MYBPHL: variants seen among roughly 807,000 people sequenced by gnomAD.
MYBPHL encodes the protein myosin binding protein H like.
Under a neutral mutation model 39.5 loss-of-function variants are expected in MYBPHL, and 32 were observed. That is an observed-to-expected ratio of 0.81 (90% CI 0.61 to 1.09). MYBPHL has a LOEUF of 1.09. Among genes scored for constraint, MYBPHL ranks in the 50% least tolerant of loss-of-function variants. The pLI is 0.00. For missense variants in MYBPHL, 456 were observed against 460.2 expected (o/e 0.99, Z 0.08); for synonymous variants, 196 against 183.7 (o/e 1.07, Z -0.54).
In MYBPHL at chr1:109,296,884, A is replaced by T. The variant is rs2101473005; in HGVS notation, c.629T>A (p.Ile210Asn). 1.2e-6 allele frequency: 2 copies of T among 1,614,116 alleles called. No individual in the cohort carries two copies. Among genetic ancestry groups the T allele is most frequent in the African/African-American group, 2.7e-5 (2 of 75,016 alleles). ...HRTSCIVSDL[I>N]IGNSYAFRVF... ...ACGGAAGGCATAGGAGTTGCCGATG[A>T]TGAGGTCAGAGACGATGCAGCTGGT... The change falls in exon 5 of 9, where the codon ATC becomes AAC. Residue 210 changes from isoleucine (I) to asparagine (N), a missense_variant. Transcript: ENST00000357155.
chr1:109,292,749 A>G (rs1046506451), intron 8 of MYBPHL, 161 bp from the exon 9 acceptor site: 3 of 152,256 alleles, frequency 2.0e-5, no homozygotes, highest in Non-Finnish European at 2.9e-5. Context: ...CATTTGCTAC[A>G]TACCAGTGAG....
intron 6 of MYBPHL, 22 bp downstream of exon 6, chr1:109,296,212 G>T (rs369494735): frequency 1.9e-6 from 3 of 1,610,872 alleles, no homozygotes; most frequent in Non-Finnish European, 2.5e-6. Flanking sequence ...TCAGCACAGT[G>T]CCCCCCAGAG....
At chr1:109,299,838 G>T (rs1343856774) in intron 1 of MYBPHL, among the ~76,000 whole-genome samples, 1 of 152,226 alleles carries the variant, frequency 6.6e-6, no homozygotes, top group Non-Finnish European at 1.5e-5. Context: ...CCTCGGCTGG[G>T]CTCTGGTGGC....
At chr1:109,295,035 T>C in intron 7 of MYBPHL, 76 bp downstream of exon 7, 1 of 1,502,540 alleles carries the variant, frequency 6.7e-7, no homozygotes, top group Non-Finnish European at 9.1e-7. Flanking sequence ...CTTGCGTCTC[T>C]GTTCCCTGAC....
rs368090769 is a variant in MYBPHL at position 109,296,837 on chromosome 1, C to G, written c.676G>C (p.Gly226Arg). 6.2e-7 allele frequency: 1 copy of G among 1,614,118 alleles called. No individual in the cohort carries two copies. The highest frequency in any genetic ancestry group is 1.7e-5 in the Admixed American group (1 of 60,012). The stretch of plus-strand genomic sequence containing the variant: ...GTGATGGGGGCTGTTTCACTGAGTC[C>G]GCACTGGTTTTCAGCAAAGACACGG... The part of the protein sequence containing the change: ...AFRVFAENQC[G>R]LSETAPITTD... Residue 226 changes from glycine (G) to arginine (R), a missense_variant, in exon 5 of 9, where the codon GGA (glycine) becomes CGA (arginine). Physicochemically the swap from Gly to Arg is moderately radical, Grantham distance 125. Transcript: ENST00000357155.
rs1658069021 is a variant in MYBPHL, at chr1:109,296,478, G to A, written c.731-108C>T. The A allele has an allele frequency of 3.4e-5, 47 of 1,381,958 alleles. 1 individual carries two copies. In the South Asian group the frequency reaches 5.7e-4, roughly 17 times the overall value. The allele number at this position is 1,381,958 out of a possible 1,614,324, so 85.6% of individuals were successfully genotyped here. On this transcript the variant is annotated intron_variant, in intron 5 of 8. Coordinates refer to ENST00000357155, the MANE Select transcript of MYBPHL (RefSeq NM_001010985.3). The stretch of plus-strand genomic sequence containing the variant: ...TTTTGAGGTGGAGTCTCACTCTATT[G>A]CCCAGGCTGGAGTGCAGTGGCACGA...
intron 1 of MYBPHL, among the ~76,000 whole-genome samples, chr1:109,306,382 G>A (rs1168925590): frequency 1.3e-5 from 2 of 152,142 alleles, no homozygotes; most frequent in African/African-American, 2.4e-5. Flanking sequence ...CTGACCCCGT[G>A]GTACTGCCCA....
intron 1 of MYBPHL, among the ~76,000 whole-genome samples, chr1:109,303,785 C>T (rs964164556): frequency 9.2e-5 from 14 of 152,126 alleles, no homozygotes; most frequent in African/African-American, 3.4e-4. Flanking sequence ...CTGGCTGTCT[C>T]GTAGACAAAC....
Position 109,295,363 on chromosome 1 carries a change from C to T in MYBPHL, c.868-66G>A, listed in dbSNP as rs541890638. The T allele has an allele frequency of 5.5e-6, 8 of 1,457,640 alleles. No individual in the cohort carries two copies. In the East Asian group the frequency reaches 1.9e-4, roughly 35 times the overall value. The allele number at this position is 1,457,640 out of a possible 1,614,324, so 90.3% of individuals were successfully genotyped here. On this transcript the variant is annotated intron_variant, in intron 6 of 8. Coordinates refer to ENST00000357155, the MANE Select transcript of MYBPHL (RefSeq NM_001010985.3). ...GGTAAGAACCAATAGTCTTTCTGTG[C>T]TCAGTTTCTGGGACTCTGTCTATAT...
intron 1 of MYBPHL, among the ~76,000 whole-genome samples, chr1:109,303,796 CAA>C (rs1658371977): frequency 6.6e-6 from 1 of 152,134 alleles, no homozygotes; most frequent in South Asian, 2.1e-4. Context: ...GTAGACAAAC[CAA>C]AGTCTTCACA....
rs1658153273 is a variant in MYBPHL, at chr1:109,298,178, G to A, written c.225C>T (p.Ile75=). The change falls in exon 2 of 9, where the codon ATC becomes ATT. Residue 75 remains isoleucine, a synonymous_variant. Coordinates refer to ENST00000357155, the MANE Select transcript of MYBPHL (RefSeq NM_001010985.3). The part of the protein sequence containing the change: ...RKVGDTVNLL[I]PFQGKPKPQA... ...GGGCTGGCATGATCACCTGGAATGG[G>A]ATTAGTAGGTTCACTGTGTCCCCAA... 2 of 1,609,186 alleles carry A rather than the reference G, an allele frequency of 1.2e-6. No individual in the cohort carries two copies. The highest frequency in any genetic ancestry group is 1.7e-6 in the Non-Finnish European group (2 of 1,178,002).
In MYBPHL at chr1:109,298,175, T is replaced by G; in HGVS notation, c.228A>C (p.Pro76=). The G allele has an allele frequency of 6.2e-7, 1 of 1,606,028 alleles. No homozygotes were observed. The highest frequency in any genetic ancestry group is 8.5e-7 in the Non-Finnish European group (1 of 1,176,878). Residue 76 remains proline, a synonymous_variant, in exon 2 of 9, where the codon CCA becomes CCC. Coordinates refer to ENST00000357155, the MANE Select transcript of MYBPHL (RefSeq NM_001010985.3). ...ATGGGGCTGGCATGATCACCTGGAA[T>G]GGGATTAGTAGGTTCACTGTGTCCC... ...KVGDTVNLLI[P]FQGKPKPQAI... is the part of the protein sequence containing the mutation.
In MYBPHL at chr1:109,298,232, C is replaced by G. The variant is rs756027054; in HGVS notation, c.171G>C (p.Arg57=). 3.7e-6 allele frequency: 6 copies of G among 1,609,816 alleles called. No homozygotes were observed. The highest frequency in any genetic ancestry group is 5.1e-6 in the Non-Finnish European group (6 of 1,178,196). The change falls in exon 2 of 9, where the codon CGG becomes CGC. Residue 57 remains arginine, a synonymous_variant. Coordinates refer to ENST00000357155, the MANE Select transcript of MYBPHL (RefSeq NM_001010985.3). ...IEEHPKIWLP[R]ALRQTYIRKV... is the part of the protein sequence containing the mutation. ...TCCGGATGTAGGTCTGCCTCAGGGC[C>G]CGAGGTAGCCAGATCTTGGGGTGCT...
chr1:109,301,866 T>G (rs375618630), intron 1 of MYBPHL, among the ~76,000 whole-genome samples: 1 of 152,228 alleles, frequency 6.6e-6, no homozygotes, highest in Non-Finnish European at 1.5e-5. Flanking sequence ...GTTTTACTAT[T>G]CTATAATTGT....
In MYBPHL at chr1:109,297,030, T is replaced by G; in HGVS notation, c.570+20A>C. The G allele has an allele frequency of 6.2e-7, 1 of 1,614,064 alleles. No individual in the cohort carries two copies. Among genetic ancestry groups the G allele is most frequent in the East Asian group, 2.2e-5 (1 of 44,882 alleles). Reference sequence around the variant, plus strand: ...CCAACATGCCCTCTTCCACCCTCCTTCCTTCCCAGCTGGCCTCACCCCGGA... The same window carrying G: ...CCAACATGCCCTCTTCCACCCTCCTGCCTTCCCAGCTGGCCTCACCCCGGA... On this transcript the variant is annotated intron_variant, in intron 4 of 8. Coordinates refer to ENST00000357155, the MANE Select transcript of MYBPHL (RefSeq NM_001010985.3).
chr1:109,304,780 T>A (rs1245209169), intron 1 of MYBPHL, among the ~76,000 whole-genome samples: 1 of 152,226 alleles, frequency 6.6e-6, no homozygotes, highest in Non-Finnish European at 1.5e-5. Context: ...GACATAGAAC[T>A]GTTTACCAAT....
Position 109,296,883 on chromosome 1 carries a change from G to T in MYBPHL, c.630C>A (p.Ile210=). Residue 210 remains isoleucine (I), a synonymous_variant, in exon 5 of 9, where the codon ATC becomes ATA. Coordinates refer to ENST00000357155, the MANE Select transcript of MYBPHL (RefSeq NM_001010985.3). ...HRTSCIVSDL[I]IGNSYAFRVF... ...CACGGAAGGCATAGGAGTTGCCGAT[G>T]ATGAGGTCAGAGACGATGCAGCTGG... 2 of 1,614,178 alleles carry T rather than the reference G, an allele frequency of 1.2e-6. No individual in the cohort carries two copies. Among genetic ancestry groups the T allele is most frequent in the Non-Finnish European group, 1.7e-6 (2 of 1,180,024 alleles).
intron 1 of MYBPHL, among the ~76,000 whole-genome samples, chr1:109,301,761 G>T (rs1319038897): frequency 6.7e-6 from 1 of 149,908 alleles, no homozygotes; most frequent in Non-Finnish European, 1.5e-5. Context: ...AAAAAAAAAA[G>T]AGAGAAAACT....
chr1:109,294,470 C>T (rs568029663), intron 7 of MYBPHL, among the ~76,000 whole-genome samples: 1 of 152,232 alleles, frequency 6.6e-6, no homozygotes, highest in African/African-American at 2.4e-5. Context: ...AGAAACTGGG[C>T]TAGACACTGG....
Sources: gnomAD v4.1 joint callset for allele counts (sites outside exome capture counted in the v4.1 genomes callset) on GRCh38, gnomAD v4.1.1 for gene constraint, MANE v1.5 for transcripts, NCBI Gene and HGNC (gene_info 2026-07-23, HGNC 2026-07-21) for gene names.